CEP78: variants seen among roughly 807,000 people sequenced by gnomAD.
CEP78 encodes centrosomal protein of 78 kDa.
In CEP78, 76 loss-of-function variants were observed where a neutral mutation model predicts 81.2. That is an observed-to-expected ratio of 0.94 (90% confidence interval 0.78 to 1.13). CEP78 has a LOEUF of 1.13. Ranked by LOEUF, CEP78 falls within the 50% of genes most tolerant of loss-of-function variation. The pLI is 0.00. For synonymous variants in CEP78, 293 were observed against 301.4 expected (o/e 0.97, Z 0.29); for missense variants, 918 against 846.8 (o/e 1.08, Z -1.04).
intron 6 of CEP78, 31 bp downstream of exon 6, chr9:78,246,813 A>G: frequency 8.2e-7 from 1 of 1,226,668 alleles, no homozygotes; most frequent in Non-Finnish European, 1.2e-6. Context: ...TTATTGACTA[A>G]CAAATAGCAA....
chr9:78,236,486 A>G lies in CEP78; in HGVS notation c.136A>G (p.Asn46Asp). Reference protein sequence around the residue: ...ACLREGVLDFNADRLRGVDWA... With the variant: ...ACLREGVLDFDADRLRGVDWA... ...TCTCCGGGAGGGCGTGCTGGATTTC[A>G]ACGCCGACCGCCTCCGCGGGGTGGA... Residue 46 changes from asparagine (N) to aspartate (D), a missense_variant, in exon 1 of 17, where the codon AAC becomes GAC. Asn to Asp is a conservative substitution (Grantham distance 23, BLOSUM62 1). Coordinates refer to ENST00000643273, the MANE Select transcript of CEP78 (RefSeq NM_001330691.3). 1.4e-5 allele frequency: 22 copies of G among 1,607,198 alleles called. No homozygotes were observed. The highest frequency in any genetic ancestry group is 1.9e-5 in the Non-Finnish European group (22 of 1,176,962).
In CEP78 at chr9:78,278,512, A is replaced by G. The variant is rs1361965258; in HGVS notation, c.*7661A>G. 1 of 152,228 alleles carries G rather than the reference A, an allele frequency of 6.6e-6. No homozygotes were observed. Among genetic ancestry groups the G allele is most frequent in the Non-Finnish European group, 1.5e-5 (1 of 68,036 alleles). 9.4% of individuals were successfully genotyped at this position (152,228 alleles called of 1,614,324 possible). On this transcript the variant is annotated 3_prime_UTR_variant, in exon 17 of 17. Coordinates refer to ENST00000643273, the MANE Select transcript of CEP78 (RefSeq NM_001330691.3). ...ATCAAACAACTCTGATTGTACTTCT[A>G]GTGACTAATTCATGTTCTGTTCTAT...
intron 11 of CEP78, among the ~76,000 whole-genome samples, chr9:78,260,360 G>A (rs910533558): frequency 6.6e-6 from 1 of 152,178 alleles, no homozygotes; most frequent in African/African-American, 2.4e-5. Flanking sequence ...ATAAAGGAAT[G>A]ATTACATGAA....
At position 78,276,103 on chromosome 9, in the gene CEP78, T is replaced by G. The variant is rs555966396; in HGVS notation, c.*5252T>G. The G allele has an allele frequency of 1.2e-4, 19 of 152,298 alleles. No individual in the cohort carries two copies. Among genetic ancestry groups the G allele is most frequent in the African/African-American group, 4.1e-4 (17 of 41,566 alleles). 9.4% of individuals were successfully genotyped at this position (152,298 alleles called of 1,614,324 possible). ...AAAACACAAGGAAAACTAAACCAAA[T>G]TCAATTAATGTAGGTGCAAAAAATC... On this transcript the variant is annotated 3_prime_UTR_variant, in exon 17 of 17. Transcript: ENST00000643273.
In CEP78 at chr9:78,266,106, G is replaced by A. The variant is rs766142928; in HGVS notation, c.1845+200G>A. On this transcript the variant is annotated intron_variant, in intron 15 of 16. Transcript: ENST00000643273. ...TCTCAGACTGGTCTTGGCAACTGAC[G>A]ACTTGAAAACTCAGTCTACTTATAA... Among the ~76,000 whole-genome samples the A allele has an allele frequency of 1.3e-3, 191 of 152,106 alleles. 1 individual carries two copies. Among genetic ancestry groups the A allele is most frequent in the Non-Finnish European group, 1.8e-3 (120 of 67,998 alleles).
intron 11 of CEP78, among the ~76,000 whole-genome samples, chr9:78,258,272 T>G (rs1352880191): frequency 2.0e-5 from 3 of 152,194 alleles, no homozygotes; most frequent in African/African-American, 7.2e-5. Flanking sequence ...TTAAGCTTTC[T>G]GCCTGTTCTC....
rs1363674653 is a variant in CEP78, at chr9:78,276,099, C to T, written c.*5248C>T. The T allele has an allele frequency of 6.6e-6, 1 of 152,090 alleles. No individual in the cohort carries two copies. The highest frequency in any genetic ancestry group is 2.4e-5 in the African/African-American group (1 of 41,412). 9.4% of individuals were successfully genotyped at this position (152,090 alleles called of 1,614,324 possible). A position where few individuals can be genotyped will look rare whatever the true frequency, so the allele number is the denominator to read the frequency against. Reference sequence around the variant, plus strand: ...AAATAAAACACAAGGAAAACTAAACCAAATTCAATTAATGTAGGTGCAAAA... The same window carrying T: ...AAATAAAACACAAGGAAAACTAAACTAAATTCAATTAATGTAGGTGCAAAA... On this transcript the variant is annotated 3_prime_UTR_variant, in exon 17 of 17. Coordinates refer to ENST00000643273, the MANE Select transcript of CEP78 (RefSeq NM_001330691.3).
rs368147059 is a variant in CEP78 at position 78,248,841 on chromosome 9, G to A, written c.1037G>A (p.Ser346Asn). 1.3e-6 allele frequency: 2 copies of A among 1,593,786 alleles called. No individual in the cohort carries two copies. Among genetic ancestry groups the A allele is most frequent in the Non-Finnish European group, 1.7e-6 (2 of 1,170,204 alleles). Residue 346 changes from serine (S) to asparagine (N), a missense_variant, in exon 8 of 17, where the codon AGT (serine) becomes AAT (asparagine). Physicochemically the swap from Ser to Asn is conservative, Grantham distance 46. Coordinates refer to ENST00000643273, the MANE Select transcript of CEP78 (RefSeq NM_001330691.3). Reference sequence around the variant, plus strand: ...AAAAGGAGAACTATAATTCTAGGAAGTGGTCACAAAGGAAAAGCTACTATT... The same window carrying A: ...AAAAGGAGAACTATAATTCTAGGAAATGGTCACAAAGGAAAAGCTACTATT... ...KQKRRTIILG[S>N]GHKGKATIRI...
rs1383423300 is a variant in CEP78, at chr9:78,240,281, C to G, written c.427-11C>G. The G allele has an allele frequency of 3.1e-6, 5 of 1,606,476 alleles. No homozygotes were observed. Among genetic ancestry groups the G allele is most frequent in the East Asian group, 4.5e-5 (2 of 44,784 alleles). ...CTCAATAACATTTTTAACTTTTCCCCCTCATTAAAGGGATTGAATAAATCG... is the reference window on the plus strand; with the variant it reads ...CTCAATAACATTTTTAACTTTTCCCGCTCATTAAAGGGATTGAATAAATCG... On this transcript the variant is annotated splice_polypyrimidine_tract_variant and intron_variant, in intron 2 of 16. Transcript: ENST00000643273.
chr9:78,248,432 C>T (rs1826600408), intron 7 of CEP78, 77 bp downstream of exon 7: 9 of 953,012 alleles, frequency 9.4e-6, no homozygotes, highest in Non-Finnish European at 1.5e-5. Flanking sequence ...TACTGCCCAG[C>T]CTGGCCTCAA....
At chr9:78,237,064 T>G (rs1825988295) in intron 1 of CEP78, among the ~76,000 whole-genome samples, 1 of 126,162 alleles carries the variant, frequency 7.9e-6, no homozygotes, top group Non-Finnish European at 1.6e-5. Flanking sequence ...CACTGCAACC[T>G]CCGCCTCCCG....
Position 78,277,487 on chromosome 9 carries a change from CAT to C in CEP78, c.*6638_*6639del, listed in dbSNP as rs957660364. 2.0e-5 allele frequency: 3 copies of C among 152,084 alleles called. No individual in the cohort carries two copies. The highest frequency in any genetic ancestry group is 4.4e-5 in the Non-Finnish European group (3 of 67,994). 9.4% of individuals were successfully genotyped at this position (152,084 alleles called of 1,614,324 possible). A position where few individuals can be genotyped will look rare whatever the true frequency, so the allele number is the denominator to read the frequency against. ...ATAAATAAGAAATACAGACTATAAA[CAT>C]AAACTTTCAACCTCGTAAGCAATCA... On this transcript the variant is annotated 3_prime_UTR_variant, in exon 17 of 17. Transcript: ENST00000643273.
rs1827816763 is a variant in CEP78 at position 78,276,964 on chromosome 9, A to G, written c.*6113A>G. On this transcript the variant is annotated 3_prime_UTR_variant, in exon 17 of 17. Transcript: ENST00000643273. The stretch of plus-strand genomic sequence containing the variant: ...TTTTGATTACATCTCAAAACAATCC[A>G]TGGAGTTAGGGTAAATGTGCTGTTC... 6.6e-6 allele frequency: 1 copy of G among 152,148 alleles called. No individual in the cohort carries two copies. Among genetic ancestry groups the G allele is most frequent in the East Asian group, 1.9e-4 (1 of 5,204 alleles). The allele number at this position is 152,148 out of a possible 1,614,324, so 9.4% of individuals were successfully genotyped here.
intron 12 of CEP78, 143 bp from the exon 13 acceptor site, chr9:78,264,007 A>G (rs908771450): frequency 1.1e-5 from 5 of 471,740 alleles, no homozygotes; most frequent in Non-Finnish European, 1.8e-5. Flanking sequence ...ATTGTTATTT[A>G]ATATGGTCTG....
chr9:78,265,984 G>A (rs1012636808), intron 15 of CEP78, 78 bp downstream of exon 15: 2 of 739,694 alleles, frequency 2.7e-6, no homozygotes, highest in African/African-American at 1.7e-5. Flanking sequence ...GCATCATCTA[G>A]TTATGGGAAT....
At chr9:78,249,990 G>T in intron 8 of CEP78, 1 of 308,592 alleles carries the variant, frequency 3.2e-6, no homozygotes, top group Non-Finnish European at 5.8e-6. Context: ...GATATCACTT[G>T]ACTTAATATC....
At position 78,248,310 on chromosome 9, in the gene CEP78, A is replaced by G. The variant is rs1587570308; in HGVS notation, c.912A>G (p.Ala304=). Reference sequence around the variant, plus strand: ...CTTTAGATCATTCTATGATGAAAGCAGTTATCAAAAAAGTCCTCCAGAATG... The same window carrying G: ...CTTTAGATCATTCTATGATGAAAGCGGTTATCAAAAAAGTCCTCCAGAATG... ...NPLIDHSMMK[A]VIKKVLQNGR... is the part of the protein sequence containing the mutation. Residue 304 remains alanine, a synonymous_variant, in exon 7 of 17, where the codon GCA becomes GCG. Coordinates refer to ENST00000643273, the MANE Select transcript of CEP78 (RefSeq NM_001330691.3). 1.3e-6 allele frequency: 2 copies of G among 1,564,346 alleles called. No individual in the cohort carries two copies. Among genetic ancestry groups the G allele is most frequent in the Non-Finnish European group, 1.8e-6 (2 of 1,134,832 alleles).
At chr9:78,253,138 A>T in intron 9 of CEP78, 94 bp from the exon 10 acceptor site, 2 of 701,054 alleles carry the variant, frequency 2.9e-6, no homozygotes, top group South Asian at 3.2e-5. Context: ...TTATGTATGG[A>T]TAGTATACAT....
chr9:78,253,540 A>C (rs1180692125), intron 10 of CEP78: 2 of 378,758 alleles, frequency 5.3e-6, no homozygotes, highest in Non-Finnish European at 9.6e-6. Flanking sequence ...CAGCAAAACA[A>C]ATTTGACCAC....
Sources: allele counts gnomAD v4.1 joint callset (sites outside exome capture counted in the v4.1 genomes callset), GRCh38; gene constraint gnomAD v4.1.1; transcripts MANE v1.5; gene names NCBI Gene and HGNC (gene_info 2026-07-23, HGNC 2026-07-21).